Variants in FSD2 observed in about 807,000 individuals in gnomAD.
FSD2 encodes the protein fibronectin type III and SPRY domain-containing protein 2.
FSD2 carries 71 observed loss-of-function variants against 80.4 expected under a neutral mutation model. The observed-to-expected ratio is 0.88, with a 90% confidence interval of 0.73 to 1.08. The LOEUF (loss-of-function observed/expected upper bound fraction) is 1.08. Among genes scored for constraint, FSD2 ranks in the 50% least tolerant of loss-of-function variants. The pLI is 0.00. For synonymous variants in FSD2, 361 were observed against 329.5 expected, an observed-to-expected ratio of 1.10 and a Z score of -1.03; for missense variants, 923 against 913.8, an observed-to-expected ratio of 1.01 and a Z score of -0.13.
At chr15:82,787,539 C>A in intron 1 of FSD2, 71 bp from the exon 2 acceptor site, 1 of 676,342 alleles carries the variant, frequency 1.5e-6, no homozygotes, top group Non-Finnish European at 2.4e-6. Context: ...TTAGATTGGG[C>A]TCTACTCATA....
rs778106557 is a variant in FSD2 at position 82,769,016 on chromosome 15, TG to T, written c.1416del (p.Ile473LeufsTer7). ...RAVYMTAPSP[P>X]IIKTKEIRSC... ...CTCCTTATCTCTTTGGTTTTAATAA[TG>T]GGGGGAGAAGGTGCTAAATGTGGGA... On this transcript the variant is annotated frameshift_variant, in exon 9 of 13. Transcript: ENST00000334574. LOFTEE classifies it high-confidence loss of function. 1.3e-6 allele frequency: 2 copies of T among 1,587,012 alleles called. No homozygotes were observed. Among genetic ancestry groups the T allele is most frequent in the South Asian group, 1.2e-5 (1 of 85,360 alleles).
chr15:82,779,728 A>G (rs138095135), intron 5 of FSD2, among the ~76,000 whole-genome samples: 22 of 151,912 alleles, frequency 1.4e-4, no homozygotes, highest in African/African-American at 5.3e-4. Flanking sequence ...CAGGGATTAC[A>G]TTATGAAATC....
At chr15:82,788,970 C>T (rs2050074251) in intron 1 of FSD2, among the ~76,000 whole-genome samples, 1 of 147,002 alleles carries the variant, frequency 6.8e-6, no homozygotes, top group African/African-American at 2.5e-5. Context: ...CAGAGCAAGA[C>T]TCTGTCTAAA....
intron 12 of FSD2, among the ~76,000 whole-genome samples, chr15:82,761,843 A>G (rs2049302777): frequency 6.6e-6 from 1 of 151,960 alleles, no homozygotes; most frequent in Non-Finnish European, 1.5e-5. Flanking sequence ...AGATAACACA[A>G]TTGTGAGAAG....
chr15:82,784,159 T>G (rs2049940002), intron 3 of FSD2, among the ~76,000 whole-genome samples: 1 of 152,166 alleles, frequency 6.6e-6, no homozygotes, highest in Non-Finnish European at 1.5e-5. Context: ...GTGTTGAGTA[T>G]GAAAGGATGG....
intron 1 of FSD2, among the ~76,000 whole-genome samples, chr15:82,803,003 G>T (rs2050450179): frequency 6.6e-6 from 1 of 152,090 alleles, no homozygotes; most frequent in Non-Finnish European, 1.5e-5. Context: ...ACAGGATTGG[G>T]CTAGGCGCTG....
chr15:82,776,721 A>G (rs1196823587), intron 6 of FSD2, among the ~76,000 whole-genome samples: 1 of 152,180 alleles, frequency 6.6e-6, no homozygotes, highest in Non-Finnish European at 1.5e-5. Context: ...TTTTTTACAG[A>G]AATAAAAAAA....
rs1375297461 is a variant in FSD2 at position 82,759,428 on chromosome 15, G to A, written c.2170C>T (p.Pro724Ser). The A allele has an allele frequency of 6.8e-6, 11 of 1,613,616 alleles. No homozygotes were observed. The highest frequency in any genetic ancestry group is 9.3e-6 in the Non-Finnish European group (11 of 1,179,754). ...CCAGGCTTTTCCAAAGAAAAACAGG[G>A]ATGCACAAATTCGTGAAGCTGACAA... ...FSCQLHEFVH[P>S]CFSLEKPGCL... is the part of the protein sequence containing the mutation. Residue 724 changes from proline to serine, a missense_variant, in exon 13 of 13, where the codon CCC becomes TCC. Physicochemically the swap from Pro to Ser is moderately conservative, Grantham distance 74 (BLOSUM62 -1). Coordinates refer to ENST00000334574, the MANE Select transcript of FSD2 (RefSeq NM_001007122.4).
rs566109677 is a variant in FSD2, at chr15:82,765,932, G to A, written c.1653C>T (p.Ser551=). The A allele has an allele frequency of 2.2e-5, 36 of 1,610,148 alleles. No homozygotes were observed. The South Asian group carries it at 2.8e-4, about 12-fold the overall frequency. Residue 551 remains serine, a synonymous_variant, in exon 10 of 13, where the codon AGC becomes AGT. Coordinates refer to ENST00000334574, the MANE Select transcript of FSD2 (RefSeq NM_001007122.4). ...GGACTGTAGCTGGCTCGCTCCTCAC[G>A]CTGGGGCCCCCCATATTGAGGGCTC... ...YVRALNMGGP[S]VRSEPATVHT... is the part of the protein sequence containing the mutation.
rs758901342 is a variant in FSD2 at position 82,769,768 on chromosome 15, G to A, written c.1384C>T (p.Arg462Cys). 59 of 1,613,764 alleles carry A rather than the reference G, an allele frequency of 3.7e-5. 1 individual carries two copies. In the East Asian group the frequency reaches 9.4e-4, roughly 26 times the overall value. The change falls in exon 8 of 13, where the codon CGT (arginine) becomes TGT (cysteine). Residue 462 changes from arginine to cysteine, a missense_variant. Coordinates refer to ENST00000334574, the MANE Select transcript of FSD2 (RefSeq NM_001007122.4). ...NRAGPSPSSERAVYMTAPSPP... is the reference protein window; with the variant it reads ...NRAGPSPSSECAVYMTAPSPP... ...CCATTACCTGTCATGTACACTGCAC[G>A]CTCGCTAGAGGGGCTGGGGCCAGCC...
Position 82,783,016 on chromosome 15 carries a change from C to A in FSD2, c.745G>T (p.Gly249Ter), listed in dbSNP as rs769047837. Reference sequence around the variant, plus strand: ...GACTCAAAGTTTTGTTCTTGTTTTCCAAAATTCTCCTGCAAGACAGTTGAT... The same window carrying A: ...GACTCAAAGTTTTGTTCTTGTTTTCAAAAATTCTCCTGCAAGACAGTTGAT... ...EVFITVEENF[G>*]KQEQNFESHY... The change falls in exon 4 of 13, where the codon GGA (glycine) becomes TGA (stop). Residue 249 changes from glycine to a stop codon, truncating the protein, a stop_gained. Transcript: ENST00000334574. LOFTEE classifies it high-confidence loss of function. 6.2e-7 allele frequency: 1 copy of A among 1,609,488 alleles called. No individual in the cohort carries two copies. Among genetic ancestry groups the A allele is most frequent in the South Asian group, 1.1e-5 (1 of 90,366 alleles).
chr15:82,775,003 A>G (rs1225586776), intron 6 of FSD2, among the ~76,000 whole-genome samples: 1 of 149,430 alleles, frequency 6.7e-6, no homozygotes, highest in Non-Finnish European at 1.5e-5. Context: ...TACAGGCGTG[A>G]GCCACCGCGC....
At chr15:82,763,862 C>T (rs2049346813) in intron 11 of FSD2, among the ~76,000 whole-genome samples, 1 of 152,232 alleles carries the variant, frequency 6.6e-6, no homozygotes, top group South Asian at 2.1e-4. Flanking sequence ...TTTCCTGCCT[C>T]ATCTTCCACC....
intron 3 of FSD2, among the ~76,000 whole-genome samples, chr15:82,784,872 C>G (rs998364555): frequency 5.9e-5 from 9 of 152,168 alleles, no homozygotes; most frequent in African/African-American, 1.9e-4. Context: ...GGGTTGAGCT[C>G]TGGCATCATA....
Position 82,781,028 on chromosome 15 carries a change from C to T in FSD2, c.967-761G>A, listed in dbSNP as rs2049844139. On this transcript the variant is annotated intron_variant, in intron 4 of 12. Coordinates refer to ENST00000334574, the MANE Select transcript of FSD2 (RefSeq NM_001007122.4). ...TCCAGCCCAAGCAACAGAGCTAGAC[C>T]CTGTCTCAAAAGAAAAACCAACAAC... is the stretch of plus-strand genomic sequence containing the variant. Among the ~76,000 whole-genome samples, 5 of 152,200 alleles carry T rather than the reference C, an allele frequency of 3.3e-5. No individual in the cohort carries two copies. The South Asian group carries it at 1.0e-3, about 32-fold the overall frequency.
At chr15:82,783,077 T>C in intron 3 of FSD2, 52 bp from the exon 4 acceptor site, 1 of 1,306,606 alleles carries the variant, frequency 7.7e-7, no homozygotes, top group Admixed American at 2.1e-5. Context: ...GTGTGTTGAT[T>C]AGAGTCTTTT....
At chr15:82,779,316 G>T (rs1039951743) in intron 5 of FSD2, among the ~76,000 whole-genome samples, 1 of 152,120 alleles carries the variant, frequency 6.6e-6, no homozygotes, top group African/African-American at 2.4e-5. Flanking sequence ...GGGACTCGGG[G>T]TCTCCTTGTA....
chr15:82,786,412 A>G (rs2049998347), intron 3 of FSD2, 99 bp downstream of exon 3: 1 of 926,572 alleles, frequency 1.1e-6, no homozygotes, highest in East Asian at 2.6e-5. Flanking sequence ...CTCACATTCT[A>G]AGAAAACAGA....
chr15:82,786,201 C>A (rs2049991842), intron 3 of FSD2, among the ~76,000 whole-genome samples: 2 of 152,130 alleles, frequency 1.3e-5, no homozygotes, highest in African/African-American at 4.8e-5. Context: ...TTTACTCATG[C>A]AACAAACATG....
Sources: gnomAD v4.1 joint callset for allele counts (sites outside exome capture counted in the v4.1 genomes callset) on GRCh38, gnomAD v4.1.1 for gene constraint, MANE v1.5 for transcripts, NCBI Gene and HGNC (gene_info 2026-07-23, HGNC 2026-07-21) for gene names.